The following LFNG variants were observed in gnomAD, a reference collection of about 807,000 sequenced individuals.
LFNG encodes beta-1,3-N-acetylglucosaminyltransferase lunatic fringe.
A neutral mutation model predicts 32.7 loss-of-function variants in LFNG; 15 were observed. That is an observed-to-expected ratio of 0.46 (90% CI 0.31 to 0.71). The LOEUF (loss-of-function observed/expected upper bound fraction) is 0.71. LFNG is among the 30% of genes least tolerant of loss of function. The probability of loss-of-function intolerance (pLI) is 0.06; values close to 1 mark genes in which losing one functional copy is unlikely to be tolerated. For synonymous variants in LFNG, 274 were observed against 246.8 expected, an observed-to-expected ratio of 1.11 and a Z score of -1.03; for missense variants, 520 against 545.7, an observed-to-expected ratio of 0.95 and a Z score of 0.47.
chr7:2,527,333 T>C lies in LFNG; in HGVS notation c.*121T>C, dbSNP rs1360126244. The C allele has an allele frequency of 5.4e-6, 8 of 1,492,060 alleles. No individual in the cohort carries two copies. The highest frequency in any genetic ancestry group is 7.1e-6 in the Non-Finnish European group (8 of 1,130,892). 92.4% of individuals were successfully genotyped at this position (1,492,060 alleles called of 1,614,324 possible). On this transcript the variant is annotated 3_prime_UTR_variant, in exon 8 of 8. Transcript: ENST00000222725. This position sits in a 1 kb window ranked among gnomAD's most constrained non-coding sequence, Gnocchi z 4.4. ...CTAGGGCCGTGCCTGTGCGTGTGCG[T>C]GTGCGTGTGTGTGTGTGTGTACTGC...
At chr7:2,525,595 A>G (rs779497571) in intron 4 of LFNG, 28 bp downstream of exon 4, 12 of 1,612,020 alleles carry the variant, frequency 7.4e-6, no homozygotes, top group Non-Finnish European at 9.3e-6. Context: ...CCAGTCCCCC[A>G]CGCCCACGCG....
Position 2,525,575 on chromosome 7 carries a change from C to G in LFNG, c.735+8C>G. On this transcript the variant is annotated splice_region_variant and intron_variant, in intron 4 of 7. Transcript: ENST00000222725. The stretch of plus-strand genomic sequence containing the variant: ...GTCAGCGAGAACAAGGTGGTGAGTG[C>G]CTGCCCCTCCCAGTCCCCCACGCCC... The G allele has an allele frequency of 6.2e-7, 1 of 1,612,060 alleles. No homozygotes were observed. Among genetic ancestry groups the G allele is most frequent in the Non-Finnish European group, 8.5e-7 (1 of 1,179,686 alleles).
chr7:2,527,783 T>A lies in LFNG; in HGVS notation c.*571T>A. ...AGAGTAACAGCAGCCACCGCCCAGT[T>A]CCAGTGGCCCCACGAAGCCCCCAGT... On this transcript the variant is annotated 3_prime_UTR_variant, in exon 8 of 8. Coordinates refer to ENST00000222725, the MANE Select transcript of LFNG (RefSeq NM_001040167.2). The surrounding 1 kb of genome is among the most constrained non-coding windows in gnomAD (Gnocchi z 4.4). The A allele has an allele frequency of 1.0e-6, 1 of 1,004,704 alleles. No individual in the cohort carries two copies. Among genetic ancestry groups the A allele is most frequent in the Non-Finnish European group, 1.2e-6 (1 of 840,132 alleles). 62.2% of individuals were successfully genotyped at this position (1,004,704 alleles called of 1,614,324 possible).
upstream of LFNG, chr7:2,513,219 G>A: frequency 6.2e-7 from 1 of 1,611,302 alleles, no homozygotes; most frequent in Non-Finnish European, 8.5e-7. Flanking sequence ...CACATGAAAT[G>A]GATGGAAGGA....
chr7:2,517,612 G>A (rs376592079), upstream of LFNG: 1 of 446,512 alleles, frequency 2.2e-6, no homozygotes, highest in Non-Finnish European at 4.5e-6. Flanking sequence ...CCATCCCCTG[G>A]CCTGGGAACT....
In LFNG at chr7:2,527,382, C is replaced by A; in HGVS notation, c.*170C>A. 1 of 1,495,152 alleles carries A rather than the reference C, an allele frequency of 6.7e-7. No individual in the cohort carries two copies. The highest frequency in any genetic ancestry group is 8.9e-7 in the Non-Finnish European group (1 of 1,124,370). The allele number at this position is 1,495,152 out of a possible 1,614,324, so 92.6% of individuals were successfully genotyped here. A position where few individuals can be genotyped will look rare whatever the true frequency, so the allele number is the denominator to read the frequency against. ...GCATGCCCACCCGGGTAGCAGGCTGCTGGGCAGTTCTGCTCTGTGGAGGGG... is the reference window on the plus strand; with the variant it reads ...GCATGCCCACCCGGGTAGCAGGCTGATGGGCAGTTCTGCTCTGTGGAGGGG... On this transcript the variant is annotated 3_prime_UTR_variant, in exon 8 of 8. Coordinates refer to ENST00000222725, the MANE Select transcript of LFNG (RefSeq NM_001040167.2). This position sits in a 1 kb window ranked among gnomAD's most constrained non-coding sequence, Gnocchi z 4.4.
intron 1 of LFNG, among the ~76,000 whole-genome samples, chr7:2,522,754 T>C (rs1285030918): frequency 6.6e-6 from 1 of 152,140 alleles, no homozygotes; most frequent in Non-Finnish European, 1.5e-5. Flanking sequence ...TGGGCCTCAG[T>C]TTCCCCACTT....
chr7:2,525,798 C>T (rs750683971), intron 5 of LFNG, 28 bp downstream of exon 5: 1 of 1,590,954 alleles, frequency 6.3e-7, no homozygotes, highest in East Asian at 2.2e-5. Context: ...GTTAGGCCAG[C>T]CCGGTCCCAG....
upstream of LFNG, chr7:2,517,781 G>A: frequency 1.2e-6 from 1 of 863,892 alleles, no homozygotes; most frequent in Non-Finnish European, 1.7e-6. Context: ...GGAGGGATTG[G>A]GCCTCAAGAA....
rs1445306613 is a variant in LFNG, at chr7:2,528,188, CTG to C, written c.*980_*981del. ...AGCTGAAGTGGGACTGTCTGGCACT[CTG>C]TGTATTTATGCGTTCCAGCATCTGG... is the stretch of plus-strand genomic sequence containing the variant. On this transcript the variant is annotated 3_prime_UTR_variant, in exon 8 of 8. Transcript: ENST00000222725. 42 of 985,692 alleles carry C rather than the reference CTG, an allele frequency of 4.3e-5. No homozygotes were observed. The highest frequency in any genetic ancestry group is 3.4e-4 in the East Asian group (3 of 8,826). 61.1% of individuals were successfully genotyped at this position (985,692 alleles called of 1,614,324 possible).
intron 5 of LFNG, 42 bp downstream of exon 5, chr7:2,525,812 C>T (rs776537371): frequency 1.0e-5 from 16 of 1,548,434 alleles, no homozygotes; most frequent in Non-Finnish European, 1.4e-5. Flanking sequence ...GTCCCAGGCT[C>T]CTCGCCACTG....
At chr7:2,516,024 C>T (rs1220845550), upstream of LFNG, among the ~76,000 whole-genome samples, 19 of 152,222 alleles carry the variant, frequency 1.2e-4, no homozygotes, top group Admixed American at 1.2e-3. Context: ...CACTAGGCCA[C>T]GCCTGCCTTT....
At chr7:2,516,244 C>T (rs2128373727), upstream of LFNG, among the ~76,000 whole-genome samples, 1 of 152,336 alleles carries the variant, frequency 6.6e-6, no homozygotes, top group East Asian at 1.9e-4. Context: ...AAGCTGGTTC[C>T]CAAGACACTG....
chr7:2,517,804 C>A, upstream of LFNG: 1 of 1,133,648 alleles, frequency 8.8e-7, no homozygotes, highest in Non-Finnish European at 1.2e-6. Context: ...GGGGCTGGGA[C>A]TAAGTCACGA....
chr7:2,513,674 G>A (rs1316343834), upstream of LFNG, among the ~76,000 whole-genome samples: 3 of 152,222 alleles, frequency 2.0e-5, no homozygotes, highest in Non-Finnish European at 4.4e-5. Context: ...CCCACCCCCT[G>A]CCTGCTGTGG....
At chr7:2,516,673 C>A (rs1779635188), upstream of LFNG, among the ~76,000 whole-genome samples, 1 of 152,238 alleles carries the variant, frequency 6.6e-6, no homozygotes, top group Non-Finnish European at 1.5e-5. Flanking sequence ...CTGACCTCAG[C>A]AGGCAGGTCT....
intron 2 of LFNG, 44 bp from the exon 3 acceptor site, chr7:2,525,175 G>T: frequency 6.4e-7 from 1 of 1,554,628 alleles, no homozygotes; most frequent in South Asian, 1.1e-5. Flanking sequence ...GCCCCTCTCT[G>T]GGAGCCGGCT....
chr7:2,524,402 G>A (rs540879880), intron 1 of LFNG, among the ~76,000 whole-genome samples: 3 of 152,332 alleles, frequency 2.0e-5, no homozygotes, highest in East Asian at 1.9e-4. Flanking sequence ...CACCTGGCTC[G>A]TGCCTCACCG....
intron 1 of LFNG, among the ~76,000 whole-genome samples, chr7:2,524,445 T>C (rs548950843): frequency 2.0e-5 from 3 of 152,172 alleles, no homozygotes; most frequent in Non-Finnish European, 4.4e-5. Context: ...GCTGTCGAGG[T>C]TGGGGAGTGA....
Sources: gnomAD v4.1 joint callset for allele counts (sites outside exome capture counted in the v4.1 genomes callset) on GRCh38, gnomAD v4.1.1 for gene constraint, Gnocchi (gnomAD v3.1) non-coding constraint, MANE v1.5 for transcripts, NCBI Gene and HGNC (gene_info 2026-07-23, HGNC 2026-07-21) for gene names.